Variants in SPTBN1 observed in about 807,000 individuals in gnomAD.
SPTBN1 encodes the protein spectrin beta, non-erythrocytic 1.
Under a neutral mutation model 266.4 loss-of-function variants are expected in SPTBN1, and 32 were observed. That is an observed-to-expected ratio of 0.12 (90% CI 0.09 to 0.16). SPTBN1 has a LOEUF of 0.16. Among genes scored for constraint, SPTBN1 ranks in the 10% least tolerant of loss-of-function variants. The pLI, the probability that SPTBN1 is intolerant of heterozygous loss-of-function variation, is 1.00. For synonymous variants in SPTBN1, 1,336 were observed against 1,162.2 expected, an observed-to-expected ratio of 1.15 and a Z score of -3.04; for missense variants, 2,296 against 3,067.1, an observed-to-expected ratio of 0.75 and a Z score of 5.94.
At position 54,626,909 on chromosome 2, in the gene SPTBN1, G is replaced by T. The variant is rs59719174; in HGVS notation, c.1644+675G>T. Among the ~76,000 whole-genome samples the T allele has an allele frequency of 2.7e-3, 410 of 152,230 alleles. 2 individuals carry two copies. The highest frequency in any genetic ancestry group is 0.025 in the Admixed American group (379 of 15,298). On this transcript the variant is annotated intron_variant, in intron 12 of 35. Coordinates refer to ENST00000356805, the MANE Select transcript of SPTBN1 (RefSeq NM_003128.3). The surrounding 1 kb of genome is among the most constrained non-coding windows in gnomAD (Gnocchi z 4.7). The stretch of plus-strand genomic sequence containing the variant: ...TTCCCAGGAAGAGACCTGCTATCAT[G>T]CCATGGCCCTGTACCTGTTCATGTC...
At position 54,628,409 on chromosome 2, in the gene SPTBN1, C is replaced by A. The variant is rs537656345; in HGVS notation, c.1798+159C>A. ...TGGAGTGGCCTTCTGAACACTAACTCCATCTTGTTTTTCTGGAATTGATAC... is the reference window on the plus strand; with the variant it reads ...TGGAGTGGCCTTCTGAACACTAACTACATCTTGTTTTTCTGGAATTGATAC... On this transcript the variant is annotated intron_variant, in intron 13 of 35. Coordinates refer to ENST00000356805, the MANE Select transcript of SPTBN1 (RefSeq NM_003128.3). The surrounding 1 kb of genome is among the most constrained non-coding windows in gnomAD (Gnocchi z 4.3). 5.3e-5 allele frequency among the ~76,000 whole-genome samples: 8 copies of A among 152,312 alleles called. No homozygotes were observed. The highest frequency in any genetic ancestry group is 1.9e-4 in the African/African-American group (8 of 41,566).
chr2:54,622,227 C>A, intron 8 of SPTBN1, 73 bp from the exon 9 acceptor site: 1 of 1,515,016 alleles, frequency 6.6e-7, no homozygotes, highest in Non-Finnish European at 9.0e-7. Context: ...TGCATGCACT[C>A]GTATAGGGTT....
intron 4 of SPTBN1, among the ~76,000 whole-genome samples, chr2:54,615,136 A>T (rs1459569598): frequency 1.3e-5 from 2 of 152,018 alleles, no homozygotes; most frequent in Non-Finnish European, 1.5e-5. Context: ...AAAATAGAGA[A>T]TTTTTTTTTA....
intron 1 of SPTBN1, among the ~76,000 whole-genome samples, chr2:54,501,810 G>T (rs1003993356): frequency 3.9e-5 from 6 of 152,226 alleles, no homozygotes; most frequent in African/African-American, 1.2e-4. Flanking sequence ...GGAGAGGACA[G>T]TGCAAAGGTG....
intron 35 of SPTBN1, 151 bp downstream of exon 35, chr2:54,667,797 G>T: frequency 1.4e-6 from 1 of 704,110 alleles, no homozygotes. Context: ...GAAGGTGTTT[G>T]GTTCTGTCTC....
At chr2:54,660,573 C>G (rs189373639) in intron 32 of SPTBN1, 28 of 985,442 alleles carry the variant, frequency 2.8e-5, no homozygotes, top group Non-Finnish European at 3.4e-5. Flanking sequence ...GTGTAACATT[C>G]CATGAAAGAT....
At position 54,643,201 on chromosome 2, in the gene SPTBN1, C is replaced by G. The variant is rs140560875; in HGVS notation, c.4005+72C>G. 161 of 1,582,086 alleles carry G rather than the reference C, an allele frequency of 1.0e-4. 1 individual carries two copies. The African/African-American group carries it at 1.9e-3, about 19-fold the overall frequency. ...TAGTAATAAACTCCTTTTTATTTAG[C>G]ACATTTTCCAGCATATCTGATCTTA... On this transcript the variant is annotated intron_variant, in intron 19 of 35. Coordinates refer to ENST00000356805, the MANE Select transcript of SPTBN1 (RefSeq NM_003128.3).
intron 1 of SPTBN1, among the ~76,000 whole-genome samples, chr2:54,509,076 G>A (rs535257636): frequency 2.0e-5 from 3 of 152,330 alleles, no homozygotes; most frequent in African/African-American, 2.4e-5. Flanking sequence ...GGGGCAGAGC[G>A]GTAGCCTCAG....
At chr2:54,648,941 A>C in intron 24 of SPTBN1, 45 bp from the exon 25 acceptor site, 1 of 1,503,444 alleles carries the variant, frequency 6.7e-7, no homozygotes, top group Non-Finnish European at 9.0e-7. Context: ...AAGAAACTTG[A>C]CATTTAAGAT....
chr2:54,499,153 TCTC>T lies in SPTBN1; in HGVS notation c.-47-27218_-47-27216del, dbSNP rs539929379. Among the ~76,000 whole-genome samples the T allele has an allele frequency of 5.9e-5, 9 of 151,466 alleles. No individual in the cohort carries two copies. In the East Asian group the frequency reaches 1.8e-3, roughly 30 times the overall value. ...CCACTTCTGGAAGGGATCGATCTGT[TCTC>T]AGATGACAGTGATAATTCTTGGCCT... is the stretch of plus-strand genomic sequence containing the variant. On this transcript the variant is annotated intron_variant, in intron 1 of 35. Coordinates refer to ENST00000356805, the MANE Select transcript of SPTBN1 (RefSeq NM_003128.3).
intron 1 of SPTBN1, among the ~76,000 whole-genome samples, chr2:54,520,033 C>G (rs1483278447): frequency 6.6e-6 from 1 of 152,154 alleles, no homozygotes; most frequent in East Asian, 1.9e-4. Flanking sequence ...GAGACACCTG[C>G]ACCTTGCAGG....
chr2:54,480,424 T>C (rs975735060), intron 1 of SPTBN1, among the ~76,000 whole-genome samples: 1 of 152,230 alleles, frequency 6.6e-6, no homozygotes, highest in African/African-American at 2.4e-5. Context: ...GAACAACACA[T>C]CGTTTTTTAG....
intron 1 of SPTBN1, among the ~76,000 whole-genome samples, chr2:54,464,513 G>C (rs1693527017): frequency 6.6e-6 from 1 of 152,160 alleles, no homozygotes; most frequent in Non-Finnish European, 1.5e-5. Context: ...GCTTTGGATG[G>C]TAGGTTGATG....
At chr2:54,504,889 C>G (rs1334915107) in intron 1 of SPTBN1, among the ~76,000 whole-genome samples, 1 of 152,038 alleles carries the variant, frequency 6.6e-6, no homozygotes, top group Non-Finnish European at 1.5e-5. Flanking sequence ...ATGTTTTCAT[C>G]AGAATGCAGA....
At chr2:54,490,497 T>C (rs1234736801) in intron 1 of SPTBN1, among the ~76,000 whole-genome samples, 1 of 152,202 alleles carries the variant, frequency 6.6e-6, no homozygotes, top group Admixed American at 6.5e-5. Flanking sequence ...ATTTGAACAA[T>C]CTTGAAATCA....
chr2:54,464,263 G>C (rs1310197083), intron 1 of SPTBN1, among the ~76,000 whole-genome samples: 1 of 152,182 alleles, frequency 6.6e-6, no homozygotes, highest in African/African-American at 2.4e-5. Flanking sequence ...CATTAATAGA[G>C]AAAAGGGGAA....
chr2:54,655,783 G>C (rs1680612156), intron 28 of SPTBN1, 131 bp from the exon 29 acceptor site: 1 of 629,158 alleles, frequency 1.6e-6, no homozygotes, highest in East Asian at 3.2e-5. Flanking sequence ...GACAGACTGA[G>C]CAGTCCTTAG....
In SPTBN1 at chr2:54,631,017, C is replaced by T. The variant is rs61732872; in HGVS notation, c.2970C>T (p.Gly990=). The change falls in exon 16 of 36, where the codon GGC becomes GGT. Residue 990 remains glycine, a synonymous_variant. Coordinates refer to ENST00000356805, the MANE Select transcript of SPTBN1 (RefSeq NM_003128.3). ...STQDLGNDLA[G]VMALQRKLTG... ...AGGACCTGGGCAATGACCTGGCTGG[C>T]GTCATGGCCCTGCAGCGCAAGCTGA... is the stretch of plus-strand genomic sequence containing the variant. 0.018 allele frequency: 29,707 copies of T among 1,613,994 alleles called. 329 individuals are homozygous for T. Among genetic ancestry groups the T allele is most frequent in the Middle Eastern group, 0.035 (214 of 6,062 alleles).
intron 1 of SPTBN1, among the ~76,000 whole-genome samples, chr2:54,481,077 G>T (rs537643547): frequency 5.9e-5 from 9 of 152,062 alleles, no homozygotes; most frequent in Non-Finnish European, 1.5e-5. Context: ...GGAAGCTGAG[G>T]TGGGAGGATC....
Sources: gnomAD v4.1 joint callset for allele counts (sites outside exome capture counted in the v4.1 genomes callset) on GRCh38, gnomAD v4.1.1 for gene constraint, Gnocchi (gnomAD v3.1) non-coding constraint, MANE v1.5 for transcripts, NCBI Gene and HGNC (gene_info 2026-07-23, HGNC 2026-07-21) for gene names.